KCTD3: variants seen among roughly 807,000 people sequenced by gnomAD.
KCTD3 encodes the protein BTB/POZ domain-containing protein KCTD3.
Under a neutral mutation model 85.8 loss-of-function variants are expected in KCTD3, and 41 were observed. That is an observed-to-expected ratio of 0.48 (90% confidence interval 0.37 to 0.62). The LOEUF is 0.62. Ranked by LOEUF, KCTD3 falls within the 20% of genes least tolerant of loss-of-function variation. The pLI, the probability that KCTD3 is intolerant of heterozygous loss-of-function variation, is 0.00. For synonymous variants in KCTD3, 338 were observed against 345.4 expected (o/e 0.98, Z 0.24); for missense variants, 724 against 989.9 (o/e 0.73, Z 3.60).
chr1:215,606,652 G>C (rs141072792), intron 13 of KCTD3, among the ~76,000 whole-genome samples: 1 of 152,054 alleles, frequency 6.6e-6, no homozygotes, highest in Non-Finnish European at 1.5e-5. Context: ...TGTAAAACTT[G>C]CATTTTAACA....
Position 215,575,985 on chromosome 1 carries a change from C to A in KCTD3, c.257+11C>A. 1.5e-6 allele frequency: 2 copies of A among 1,344,174 alleles called. No homozygotes were observed. The highest frequency in any genetic ancestry group is 2.1e-6 in the Non-Finnish European group (2 of 960,858). The allele number at this position is 1,344,174 out of a possible 1,614,324, so 83.3% of individuals were successfully genotyped here. On this transcript the variant is annotated intron_variant, in intron 4 of 17. Coordinates refer to ENST00000259154, the MANE Select transcript of KCTD3 (RefSeq NM_016121.5). ...AGAACTAGACTTAAGGTAAGAAATG[C>A]ACTCTTTTTAAAGTAAATTCTTACT...
chr1:215,569,341 G>A (rs1387605685), intron 1 of KCTD3, among the ~76,000 whole-genome samples: 1 of 151,962 alleles, frequency 6.6e-6, no homozygotes, highest in Non-Finnish European at 1.5e-5. Context: ...GGATGGTCTT[G>A]ATCTCCTGAC....
In KCTD3 at chr1:215,579,029, G is replaced by C. The variant is rs538977047; in HGVS notation, c.427G>C (p.Val143Leu). 6.4e-7 allele frequency: 1 copy of C among 1,569,666 alleles called. No individual in the cohort carries two copies. The highest frequency in any genetic ancestry group is 8.6e-7 in the Non-Finnish European group (1 of 1,163,204). Residue 143 changes from valine to leucine, a missense_variant, in exon 7 of 18, where the codon GTC becomes CTC. Coordinates refer to ENST00000259154, the MANE Select transcript of KCTD3 (RefSeq NM_016121.5). ...TCCTAGTCGTAAAATAAACAACACAGTCAGATCTGCTGATTCTAGGAATGG... is the reference window on the plus strand; with the variant it reads ...TCCTAGTCGTAAAATAAACAACACACTCAGATCTGCTGATTCTAGGAATGG... ...GIPSRKINNTVRSADSRNGLN... is the reference protein window; with the variant it reads ...GIPSRKINNTLRSADSRNGLN...
intron 10 of KCTD3, among the ~76,000 whole-genome samples, chr1:215,597,763 T>G (rs2102585349): frequency 6.6e-6 from 1 of 152,262 alleles, no homozygotes; most frequent in South Asian, 2.1e-4. Flanking sequence ...GTGAGGCACC[T>G]GTAGCACTGA....
intron 10 of KCTD3, 96 bp downstream of exon 10, chr1:215,595,567 TTTTGGTTA>T: frequency 1.3e-6 from 1 of 752,010 alleles, no homozygotes; most frequent in South Asian, 2.1e-5. Context: ...CTGTTTCTGG[TTTTGGTTA>T]TACAAATATT....
rs772849762 is a variant in KCTD3 at position 215,620,290 on chromosome 1, C to G, written c.2120C>G (p.Ser707Cys). ...VKGATGECNISERKSPGVEIK... is the reference protein window; with the variant it reads ...VKGATGECNICERKSPGVEIK... ...GGGGCAACAGGGGAATGTAATATATCTGAGAGAAAGTCTCCTGGAGTAGAA... is the reference window on the plus strand; with the variant it reads ...GGGGCAACAGGGGAATGTAATATATGTGAGAGAAAGTCTCCTGGAGTAGAA... Residue 707 changes from serine to cysteine, a missense_variant, in exon 18 of 18, where the codon TCT (serine) becomes TGT (cysteine). Ser to Cys is a moderately radical substitution (Grantham distance 112). Coordinates refer to ENST00000259154, the MANE Select transcript of KCTD3 (RefSeq NM_016121.5). The G allele has an allele frequency of 1.2e-6, 2 of 1,613,874 alleles. No individual in the cohort carries two copies. Among genetic ancestry groups the G allele is most frequent in the Admixed American group, 3.3e-5 (2 of 59,992 alleles).
intron 10 of KCTD3, among the ~76,000 whole-genome samples, chr1:215,596,654 G>T: frequency 6.6e-6 from 1 of 152,152 alleles, no homozygotes; most frequent in East Asian, 1.9e-4. Context: ...GGAAGTAAAA[G>T]ATCAGAGAAG....
At position 215,572,599 on chromosome 1, in the gene KCTD3, G is replaced by A. The variant is rs1054580009; in HGVS notation, c.84-1187G>A. Among the ~76,000 whole-genome samples, 3 of 152,280 alleles carry A rather than the reference G, an allele frequency of 2.0e-5. No individual in the cohort carries two copies. The East Asian group carries it at 5.8e-4, about 29-fold the overall frequency. ...GTATTTTGAGGTTTGTTATGCTGCAGTGAGCATAATAAAAAAAAGTAAGCA... is the reference window on the plus strand; with the variant it reads ...GTATTTTGAGGTTTGTTATGCTGCAATGAGCATAATAAAAAAAAGTAAGCA... On this transcript the variant is annotated intron_variant, in intron 1 of 17. Coordinates refer to ENST00000259154, the MANE Select transcript of KCTD3 (RefSeq NM_016121.5).
chr1:215,588,671 T>C (rs1194060250), intron 9 of KCTD3, among the ~76,000 whole-genome samples: 2 of 152,162 alleles, frequency 1.3e-5, no homozygotes, highest in East Asian at 3.9e-4. Flanking sequence ...TGTTTGTAGC[T>C]ATGCATTCAC....
Position 215,620,833 on chromosome 1 carries a change from A to C in KCTD3, c.*215A>C. 1 of 480,966 alleles carries C rather than the reference A, an allele frequency of 2.1e-6. No individual in the cohort carries two copies. The highest frequency in any genetic ancestry group is 3.6e-6 in the Non-Finnish European group (1 of 276,050). 29.8% of individuals were successfully genotyped at this position (480,966 alleles called of 1,614,324 possible). ...TTTTAATTTTACAAGTACATTTAAC[A>C]GATCATTTATAAAGCAGGAGTCCAT... On this transcript the variant is annotated 3_prime_UTR_variant, in exon 18 of 18. Coordinates refer to ENST00000259154, the MANE Select transcript of KCTD3 (RefSeq NM_016121.5).
intron 10 of KCTD3, among the ~76,000 whole-genome samples, chr1:215,598,488 G>T (rs1167966046): frequency 6.6e-6 from 1 of 152,034 alleles, no homozygotes; most frequent in African/African-American, 2.4e-5. Flanking sequence ...GAGCACACAA[G>T]AATCCTGTAG....
Position 215,586,480 on chromosome 1 carries a change from GT to G in KCTD3, c.627-13del, listed in dbSNP as rs1188824376. Reference sequence around the variant, plus strand: ...GCTGCTGAGTCTACCTTATGTGCCTGTTCTTCCTTAACAGAATCAAAGAATC... The same window carrying G: ...GCTGCTGAGTCTACCTTATGTGCCTGTCTTCCTTAACAGAATCAAAGAATC... On this transcript the variant is annotated splice_polypyrimidine_tract_variant and intron_variant, in intron 8 of 17. Coordinates refer to ENST00000259154, the MANE Select transcript of KCTD3 (RefSeq NM_016121.5). 1.3e-6 allele frequency: 2 copies of G among 1,597,606 alleles called. No homozygotes were observed. Among genetic ancestry groups the G allele is most frequent in the Non-Finnish European group, 1.7e-6 (2 of 1,169,930 alleles).
intron 9 of KCTD3, among the ~76,000 whole-genome samples, chr1:215,591,483 G>T (rs778637749): frequency 6.6e-6 from 1 of 151,962 alleles, no homozygotes; most frequent in Non-Finnish European, 1.5e-5. Flanking sequence ...TCAGCCTCTC[G>T]AGTAGCTGGG....
rs1372113705 is a variant in KCTD3, at chr1:215,618,979, G to A, written c.1656G>A (p.Arg552=). 1.9e-6 allele frequency: 3 copies of A among 1,613,906 alleles called. No homozygotes were observed. Among genetic ancestry groups the A allele is most frequent in the Admixed American group, 1.7e-5 (1 of 59,990 alleles). The change falls in exon 16 of 18, where the codon AGG becomes AGA. Residue 552 remains arginine, a synonymous_variant. Transcript: ENST00000259154. The part of the protein sequence containing the change: ...EGSSRMGSRP[R]RYLFTGHTNG... ...CCAGTAGGATGGGCTCAAGACCAAGGCGCTACTTGTTCACAGGCCATACAA... is the reference window on the plus strand; with the variant it reads ...CCAGTAGGATGGGCTCAAGACCAAGACGCTACTTGTTCACAGGCCATACAA...
At chr1:215,593,882 A>G (rs1660313079) in intron 9 of KCTD3, among the ~76,000 whole-genome samples, 1 of 136,234 alleles carries the variant, frequency 7.3e-6, no homozygotes, top group South Asian at 2.3e-4. Context: ...TTTTTTTGAG[A>G]CAGTGTCTTG....
At chr1:215,595,216 C>T in intron 9 of KCTD3, 140 bp from the exon 10 acceptor site, 1 of 592,182 alleles carries the variant, frequency 1.7e-6, no homozygotes, top group South Asian at 2.2e-5. Context: ...TTTCTTATTT[C>T]TAGTCCCCAA....
chr1:215,598,767 A>C (rs1654711247), intron 10 of KCTD3, among the ~76,000 whole-genome samples: 1 of 152,210 alleles, frequency 6.6e-6, no homozygotes. Flanking sequence ...GTAAATTGAC[A>C]GACACGTCTG....
At position 215,569,270 on chromosome 1, in the gene KCTD3, G is replaced by A. The variant is rs1455318073; in HGVS notation, c.83+1502G>A. 3.3e-5 allele frequency among the ~76,000 whole-genome samples: 5 copies of A among 151,392 alleles called. 1 individual carries two copies. Among genetic ancestry groups the A allele is most frequent in the Admixed American group, 6.6e-5 (1 of 15,208 alleles). On this transcript the variant is annotated intron_variant, in intron 1 of 17. Transcript: ENST00000259154. ...CCGAGTAGCTGGGTCACAGGCGCGC[G>A]CCACCACGCCCGGGTAATTTTTGCA...
At chr1:215,587,722 C>G (rs1660065127) in intron 9 of KCTD3, among the ~76,000 whole-genome samples, 1 of 152,092 alleles carries the variant, frequency 6.6e-6, no homozygotes, top group Non-Finnish European at 1.5e-5. Context: ...AAACTTTTTT[C>G]AGTCTTTTCA....
Sources: gnomAD v4.1 joint callset for allele counts (sites outside exome capture counted in the v4.1 genomes callset) on GRCh38, gnomAD v4.1.1 for gene constraint, MANE v1.5 for transcripts, NCBI Gene and HGNC (gene_info 2026-07-23, HGNC 2026-07-21) for gene names.